The following GRM5 variants were observed in gnomAD, a reference collection of about 807,000 sequenced individuals.
GRM5 encodes the protein metabotropic glutamate receptor 5.
Under a neutral mutation model 83.1 loss-of-function variants are expected in GRM5, and 19 were observed. That is an observed-to-expected ratio of 0.23 (90% CI 0.16 to 0.34). The LOEUF (loss-of-function observed/expected upper bound fraction) is 0.34. Among genes scored for constraint, GRM5 ranks in the 10% least tolerant of loss-of-function variants. The pLI is 1.00. For synonymous variants in GRM5, 675 were observed against 633.6 expected (o/e 1.07, Z -0.98); for missense variants, 1,160 against 1,588.3 (o/e 0.73, Z 4.58).
intron 6 of GRM5, among the ~76,000 whole-genome samples, chr11:88,593,736 C>T (rs927926395): frequency 6.8e-6 from 1 of 147,590 alleles, no homozygotes; most frequent in Non-Finnish European, 1.5e-5. Flanking sequence ...TTCCTTCCCT[C>T]CCTCCCTCCT....
chr11:88,872,172 T>C (rs1944779954), intron 2 of GRM5, among the ~76,000 whole-genome samples: 1 of 151,496 alleles, frequency 6.6e-6, no homozygotes, highest in African/African-American at 2.4e-5. Context: ...TAATGAAAGC[T>C]ACATGTTTCA....
chr11:89,062,786 G>C (rs757227652), intron 1 of GRM5, among the ~76,000 whole-genome samples: 37 of 152,228 alleles, frequency 2.4e-4, no homozygotes, highest in Admixed American at 1.8e-3. Flanking sequence ...CCTAATGCAC[G>C]TTGGGCTCGG....
chr11:88,580,004 G>A (rs149431275), intron 7 of GRM5, among the ~76,000 whole-genome samples: 1 of 152,230 alleles, frequency 6.6e-6, no homozygotes, highest in African/African-American at 2.4e-5. Context: ...GGGATATGAA[G>A]GATTAGCCAA....
intron 4 of GRM5, among the ~76,000 whole-genome samples, chr11:88,644,354 ATC>A (rs1939381727): frequency 6.6e-6 from 1 of 152,308 alleles, no homozygotes; most frequent in African/African-American, 2.4e-5. Flanking sequence ...AGCAGCATTT[ATC>A]TAACAACATT....
chr11:88,552,857 G>A (rs1283826839), intron 8 of GRM5, among the ~76,000 whole-genome samples: 1 of 152,078 alleles, frequency 6.6e-6, no homozygotes, highest in East Asian at 1.9e-4. Flanking sequence ...AGCAGTGTCT[G>A]TACAGTGAAT....
chr11:88,723,250 A>G (rs1340093425), intron 3 of GRM5, among the ~76,000 whole-genome samples: 1 of 151,962 alleles, frequency 6.6e-6, no homozygotes, highest in Non-Finnish European at 1.5e-5. Flanking sequence ...CTATTGTATG[A>G]ATGTGCCACA....
chr11:88,580,540 A>G (rs1285778993), intron 7 of GRM5, among the ~76,000 whole-genome samples: 2 of 152,188 alleles, frequency 1.3e-5, no homozygotes, highest in Non-Finnish European at 2.9e-5. Context: ...TGTATAATGA[A>G]GTGATCAGTG....
intron 8 of GRM5, among the ~76,000 whole-genome samples, chr11:88,550,368 GT>G (rs2135145677): frequency 6.6e-6 from 1 of 152,274 alleles, no homozygotes; most frequent in African/African-American, 2.4e-5. Context: ...AACTTTAGAA[GT>G]AGTTTTCATT....
chr11:88,777,272 G>C (rs926652435), intron 3 of GRM5, among the ~76,000 whole-genome samples: 1 of 152,160 alleles, frequency 6.6e-6, no homozygotes, highest in Admixed American at 6.5e-5. Flanking sequence ...CTCATGCCAT[G>C]GTTTCCAGCT....
intron 3 of GRM5, among the ~76,000 whole-genome samples, chr11:88,732,054 C>T (rs1293761190): frequency 6.6e-6 from 1 of 151,956 alleles, no homozygotes; most frequent in Non-Finnish European, 1.5e-5. Context: ...AATTATTCAT[C>T]CAATCCCTCT....
intron 4 of GRM5, among the ~76,000 whole-genome samples, chr11:88,611,639 A>G (rs891777788): frequency 3.9e-5 from 6 of 152,044 alleles, no homozygotes; most frequent in Non-Finnish European, 7.4e-5. Flanking sequence ...GCCTATCAAT[A>G]TTGTTTAATC....
intron 3 of GRM5, among the ~76,000 whole-genome samples, chr11:88,678,247 T>G (rs1940387276): frequency 6.6e-6 from 1 of 151,906 alleles, no homozygotes; most frequent in South Asian, 2.1e-4. Context: ...TTTGTAATGA[T>G]GGGGTCTTTC....
intron 2 of GRM5, among the ~76,000 whole-genome samples, chr11:88,922,153 C>A (rs1433705206): frequency 6.6e-6 from 1 of 151,986 alleles, no homozygotes; most frequent in Non-Finnish European, 1.5e-5. Flanking sequence ...TTAAAATGCC[C>A]ATAACACCCA....
chr11:88,901,578 A>C (rs567144446), intron 2 of GRM5, among the ~76,000 whole-genome samples: 1 of 152,286 alleles, frequency 6.6e-6, no homozygotes, highest in South Asian at 2.1e-4. Context: ...TCAAAGACCT[A>C]GGCTATGCCC....
intron 3 of GRM5, among the ~76,000 whole-genome samples, chr11:88,691,785 A>G (rs1008160946): frequency 6.6e-6 from 1 of 152,208 alleles, no homozygotes; most frequent in African/African-American, 2.4e-5. Flanking sequence ...CTGTTATTCT[A>G]TCATAAAAAT....
intron 2 of GRM5, among the ~76,000 whole-genome samples, chr11:88,882,342 G>A (rs1164991593): frequency 6.6e-6 from 1 of 150,882 alleles, no homozygotes; most frequent in African/African-American, 2.4e-5. Flanking sequence ...ACGAGGTCAG[G>A]AGATCGAGAC....
At chr11:88,577,545 C>T (rs1943138456) in intron 7 of GRM5, among the ~76,000 whole-genome samples, 1 of 152,110 alleles carries the variant, frequency 6.6e-6, no homozygotes. Context: ...TGACCAAATG[C>T]TCAGGCTCTG....
rs1168013337 is a variant in GRM5 at position 89,061,643 on chromosome 11, A to AT, written c.-201+4132dup. Among the ~76,000 whole-genome samples, 5 of 152,262 alleles carry AT rather than the reference A, an allele frequency of 3.3e-5. 1 individual carries two copies. The South Asian group carries it at 1.0e-3, about 32-fold the overall frequency. ...GGTTGGTTATAATAGATATGAGTGA[A>AT]TTTTTCAATTTCCCCCTGGGTGTTT... On this transcript the variant is annotated intron_variant, in intron 1 of 9. Transcript: ENST00000305447.
intron 2 of GRM5, among the ~76,000 whole-genome samples, chr11:89,007,949 A>T (rs1365226275): frequency 6.6e-6 from 1 of 152,246 alleles, no homozygotes; most frequent in Non-Finnish European, 1.5e-5. Flanking sequence ...ATATTAATGT[A>T]TCTATAATAT....
Sources: gnomAD v4.1 joint callset for allele counts (sites outside exome capture counted in the v4.1 genomes callset) on GRCh38, gnomAD v4.1.1 for gene constraint, MANE v1.5 for transcripts, NCBI Gene and HGNC (gene_info 2026-07-23, HGNC 2026-07-21) for gene names.